The following FGF13 variants were observed in gnomAD, a reference collection of about 807,000 sequenced individuals.
The protein encoded by FGF13 is fibroblast growth factor 13, also known as fibroblast growth factor homologous factor 2.
A neutral mutation model predicts 19.5 loss-of-function variants in FGF13; 2 were observed. The ratio of observed to expected loss-of-function variants is 0.10; its 90% CI spans 0.04 to 0.32. The LOEUF (loss-of-function observed/expected upper bound fraction) is 0.32. Among genes scored for constraint, FGF13 ranks in the 10% least tolerant of loss-of-function variants. The pLI is 1.00. For synonymous variants in FGF13, 72 were observed against 76.9 expected, an observed-to-expected ratio of 0.94 and a Z score of 0.33; for missense variants, 113 against 192.7, an observed-to-expected ratio of 0.59 and a Z score of 2.45.
intron 1 of FGF13, among the ~76,000 whole-genome samples, chrX:139,137,317 T>C (rs1273422926): frequency 8.9e-6 from 1 of 112,179 alleles, no homozygotes; most frequent in Non-Finnish European, 1.9e-5. Context: ...AACTGCATGG[T>C]TAGGCAAACA....
At chrX:138,948,018 A>C (rs1485368323) in intron 1 of FGF13, among the ~76,000 whole-genome samples, 1 of 111,801 alleles carries the variant, frequency 8.9e-6, no homozygotes, top group Non-Finnish European at 1.9e-5. Flanking sequence ...AACTCTGCCA[A>C]CAACTTGATC....
intron 3 of FGF13, among the ~76,000 whole-genome samples, chrX:138,818,497 C>T (rs1433113568): frequency 3.1e-5 from 2 of 64,014 alleles, no homozygotes; most frequent in African/African-American, 1.2e-4. Flanking sequence ...TATATATGCA[C>T]AGACACACAC....
At chrX:138,817,964 T>C (rs1292148259) in intron 3 of FGF13, among the ~76,000 whole-genome samples, 1 of 111,771 alleles carries the variant, frequency 8.9e-6, no homozygotes, top group African/African-American at 3.3e-5. Flanking sequence ...AGTAAACTAT[T>C]ATTACCAAAA....
intron 1 of FGF13, among the ~76,000 whole-genome samples, chrX:138,960,519 G>A (rs1202290259): frequency 9.0e-6 from 1 of 111,354 alleles, no homozygotes; most frequent in African/African-American, 3.3e-5. Context: ...TCTTCTTGAA[G>A]AGTATCTTTG....
chrX:138,700,810 C>T (rs2089939176), intron 3 of FGF13, among the ~76,000 whole-genome samples: 3 of 111,766 alleles, frequency 2.7e-5, no homozygotes, highest in South Asian at 3.8e-4. Flanking sequence ...ATAGGAAATA[C>T]ATACAAGATG....
chrX:139,027,875 C>T (rs573837474), intron 1 of FGF13, among the ~76,000 whole-genome samples: 62 of 109,379 alleles, frequency 5.7e-4, no homozygotes, highest in Non-Finnish European at 1.1e-3. Flanking sequence ...TCAAGCCAGC[C>T]ATTTCGTCTC....
chrX:139,004,931 G>A (rs2092094049), intron 1 of FGF13, among the ~76,000 whole-genome samples: 1 of 112,144 alleles, frequency 8.9e-6, no homozygotes, highest in Non-Finnish European at 1.9e-5. Context: ...CTTCTAGAGT[G>A]TTTTGACTCC....
chrX:138,731,799 G>GA (rs950336751), intron 1 of FGF13, among the ~76,000 whole-genome samples: 5 of 108,778 alleles, frequency 4.6e-5, no homozygotes, highest in African/African-American at 1.7e-4. Flanking sequence ...AGAAAAGAGA[G>GA]AAAAAAATGA....
intron 3 of FGF13, among the ~76,000 whole-genome samples, chrX:138,750,938 G>T (rs772681904): frequency 3.1e-4 from 34 of 110,906 alleles, no homozygotes; most frequent in African/African-American, 9.8e-4. Context: ...AGGCAGTGAA[G>T]GAGACTAGGG....
At position 138,629,691 on chromosome X, in the gene FGF13, T is replaced by C. The variant is rs773336172; in HGVS notation, c.*3159A>G. 5 of 111,407 alleles carry C rather than the reference T, an allele frequency of 4.5e-5. No individual in the cohort carries two copies. The highest frequency in any genetic ancestry group is 7.5e-5 in the Non-Finnish European group (4 of 53,149). 9.2% of individuals were successfully genotyped at this position (111,407 alleles called of 1,213,427 possible). The stretch of plus-strand genomic sequence containing the variant: ...TACCCAGTCTCAGGTAGTATCTTTA[T>C]AGCAGCGTGAGAATGAACTAATACC... On this transcript the variant is annotated 3_prime_UTR_variant, in exon 5 of 5. Coordinates refer to ENST00000315930, the MANE Select transcript of FGF13 (RefSeq NM_004114.5).
At chrX:138,650,436 T>C (rs2089356894) in intron 3 of FGF13, among the ~76,000 whole-genome samples, 1 of 111,976 alleles carries the variant, frequency 8.9e-6, no homozygotes, top group African/African-American at 3.2e-5. Flanking sequence ...CACTTCAGAA[T>C]GACCCAAGTT....
Position 138,647,250 on chromosome X carries a change from G to A in FGF13, c.403-11595C>T, listed in dbSNP as rs1160566036. Among the ~76,000 whole-genome samples, 5 of 107,747 alleles carry A rather than the reference G, an allele frequency of 4.6e-5. No individual in the cohort carries two copies. The South Asian group carries it at 2.0e-3, about 44-fold the overall frequency. The allele number at this position is 107,747 out of a possible 115,157, so 93.6% of individuals were successfully genotyped here. A position where few individuals can be genotyped will look rare whatever the true frequency, so the allele number is the denominator to read the frequency against. ...AAAAAAAAAAAAAAAGGAAATCCAG[G>A]ACTCTTGAGAAGTTCAAGATTGGTG... On this transcript the variant is annotated intron_variant, in intron 3 of 4. Transcript: ENST00000315930.
chrX:139,033,027 CAAAAAAAAAAAAAAAAAAA>C, intron 1 of FGF13, among the ~76,000 whole-genome samples: 1 of 27,271 alleles, frequency 3.7e-5, no homozygotes, highest in South Asian at 3.8e-3. Flanking sequence ...TCTGATTATC[CAAAAAAAAAAAAAAAAAAA>C]AAAAAAAAAC....
At position 138,670,637 on chromosome X, in the gene FGF13, C is replaced by T. The variant is rs751403536; in HGVS notation, c.402+32347G>A. Among the ~76,000 whole-genome samples, 4 of 111,523 alleles carry T rather than the reference C, an allele frequency of 3.6e-5. No individual in the cohort carries two copies. The South Asian group carries it at 1.5e-3, about 41-fold the overall frequency. ...AAGTAGATATATGTGTATATATACA[C>T]AGGGAGGCATACAGGTGATAGACAC... On this transcript the variant is annotated intron_variant, in intron 3 of 4. Coordinates refer to ENST00000315930, the MANE Select transcript of FGF13 (RefSeq NM_004114.5).
intron 1 of FGF13, among the ~76,000 whole-genome samples, chrX:138,897,188 T>C (rs1321179006): frequency 9.0e-6 from 1 of 111,625 alleles, no homozygotes; most frequent in Non-Finnish European, 1.9e-5. Flanking sequence ...TTTTGTATTT[T>C]TTGTAGAGAT....
At chrX:138,898,926 G>T (rs2091517449) in intron 1 of FGF13, among the ~76,000 whole-genome samples, 1 of 111,201 alleles carries the variant, frequency 9.0e-6, no homozygotes, top group Non-Finnish European at 1.9e-5. Flanking sequence ...TCAGAAGGAG[G>T]TTGTCACACT....
At chrX:139,029,949 C>A (rs960318487) in intron 1 of FGF13, among the ~76,000 whole-genome samples, 1 of 111,777 alleles carries the variant, frequency 8.9e-6, no homozygotes, top group Admixed American at 9.5e-5. Context: ...GTACACCATA[C>A]CATCTTTCTC....
At position 139,046,141 on chromosome X, in the gene FGF13, A is replaced by T. The variant is rs144167460; in HGVS notation, c.-113+157275T>A. Among the ~76,000 whole-genome samples, 460 of 105,507 alleles carry T rather than the reference A, an allele frequency of 4.4e-3. 8 individuals are homozygous for T. The highest frequency in any genetic ancestry group is 0.015 in the African/African-American group (440 of 28,519). 91.6% of individuals were successfully genotyped at this position (105,507 alleles called of 115,157 possible). On this transcript the variant is annotated intron_variant, in intron 1 of 2. Transcript: ENST00000421460. ...TGGTTCTGGCATCTACTTGGCTTCT[A>T]CGGGGGCCTCAGGAAGCTTACAATC...
rs191421156 is a variant in FGF13 at position 138,903,207 on chromosome X, A to T, written c.-112-38557T>A. On this transcript the variant is annotated intron_variant, in intron 1 of 2. Coordinates refer to the FGF13 transcript ENST00000421460. The stretch of plus-strand genomic sequence containing the variant: ...AGAAAGGAAGACAAGAAAACTGACA[A>T]GTCTATAAAAATATAAAATGGCAAA... Among the ~76,000 whole-genome samples, 154 of 111,931 alleles carry T rather than the reference A, an allele frequency of 1.4e-3. 1 individual carries two copies. The highest frequency in any genetic ancestry group is 4.9e-3 in the African/African-American group (152 of 30,835).
Sources: gnomAD v4.1 joint callset for allele counts (sites outside exome capture counted in the v4.1 genomes callset) on GRCh38, gnomAD v4.1.1 for gene constraint, MANE v1.5 for transcripts, NCBI Gene and HGNC (gene_info 2026-07-23, HGNC 2026-07-21) for gene names.